Variants in GK5 observed in about 807,000 individuals in gnomAD.
GK5 encodes glycerol kinase 5.
GK5 carries 39 observed loss-of-function variants against 77.3 expected under a neutral mutation model. That is an observed-to-expected ratio of 0.50 (90% CI 0.39 to 0.66). GK5 has a LOEUF of 0.66. GK5 is among the 30% of genes least tolerant of loss of function. The pLI is 0.00. For missense variants in GK5, 487 were observed against 633.8 expected, an observed-to-expected ratio of 0.77 and a Z score of 2.49; for synonymous variants, 211 against 208.0, an observed-to-expected ratio of 1.01 and a Z score of -0.13.
chr3:142,187,086 C>T (rs1211601435), intron 6 of GK5, among the ~76,000 whole-genome samples: 1 of 152,056 alleles, frequency 6.6e-6, no homozygotes, highest in African/African-American at 2.4e-5. Flanking sequence ...TTAATGTCAC[C>T]CATAGTTATA....
chr3:142,209,163 G>T (rs973043280), intron 3 of GK5, among the ~76,000 whole-genome samples: 1 of 151,186 alleles, frequency 6.6e-6, no homozygotes, highest in Non-Finnish European at 1.5e-5. Flanking sequence ...AAAAAAAAAT[G>T]GATAAATAGA....
rs970001052 is a variant in GK5 at position 142,163,550 on chromosome 3, A to T, written c.*2072T>A. On this transcript the variant is annotated 3_prime_UTR_variant, in exon 16 of 16. Transcript: ENST00000392993. ...CTGCCAAAGTGCTGGGATTACAGGC[A>T]TGAGCCACTGCACACAGCCCAAAGT... 1.3e-5 allele frequency: 2 copies of T among 152,170 alleles called. No individual in the cohort carries two copies. The highest frequency in any genetic ancestry group is 2.9e-5 in the Non-Finnish European group (2 of 68,072). 9.4% of individuals were successfully genotyped at this position (152,170 alleles called of 1,614,324 possible).
At chr3:142,199,633 T>C (rs1048833336) in intron 4 of GK5, among the ~76,000 whole-genome samples, 1 of 152,086 alleles carries the variant, frequency 6.6e-6, no homozygotes, top group Non-Finnish European at 1.5e-5. Context: ...AAAATCTGGT[T>C]GTATGATTTT....
At chr3:142,213,197 T>G (rs548133535) in intron 3 of GK5, among the ~76,000 whole-genome samples, 1 of 152,342 alleles carries the variant, frequency 6.6e-6, no homozygotes, top group Admixed American at 6.5e-5. Context: ...GTACTGTGTT[T>G]CTGAAATTTG....
chr3:142,193,491 A>AC (rs904064470), intron 5 of GK5, among the ~76,000 whole-genome samples: 5 of 151,718 alleles, frequency 3.3e-5, no homozygotes, highest in African/African-American at 1.2e-4. Context: ...TACAAAAAAA[A>AC]AAAAACAAAA....
intron 9 of GK5, among the ~76,000 whole-genome samples, chr3:142,184,260 C>CAAAAAAAAAAAAAAAAAAA (rs1161704184): frequency 4.7e-4 from 5 of 10,672 alleles, no homozygotes; most frequent in African/African-American, 7.8e-4. Context: ...GACTCTGTCT[C>CAAAAAAAAAAAAAAAAAAA]AAAAAAAAAA....
At chr3:142,192,763 CAA>C (rs201417747) in intron 5 of GK5, among the ~76,000 whole-genome samples, 923 of 82,848 alleles carry the variant, frequency 0.011, 10 homozygotes, top group African/African-American at 0.034. Context: ...GACTCTGTCT[CAA>C]AAAAAAAAAA....
intron 11 of GK5, among the ~76,000 whole-genome samples, chr3:142,179,892 G>A (rs981675020): frequency 1.3e-5 from 2 of 152,098 alleles, no homozygotes; most frequent in African/African-American, 4.8e-5. Flanking sequence ...TGATATTCCT[G>A]GCCTAGACTC....
At position 142,172,439 on chromosome 3, in the gene GK5, G is replaced by A. The variant is rs1183177169; in HGVS notation, c.1161C>T (p.Pro387=). The A allele has an allele frequency of 2.4e-5, 38 of 1,594,548 alleles. No homozygotes were observed. The highest frequency in any genetic ancestry group is 3.1e-5 in the Non-Finnish European group (36 of 1,165,678). Residue 387 remains proline (P), a synonymous_variant, in exon 13 of 16, where the codon CCC becomes CCT. Transcript: ENST00000392993. ...FSGLQAPLND[P]WACASFMGLK... ...AACCCATAAAAGAGGCACATGCCCA[G>A]GGGTCATTTAATGGAGCCTACAGTA...
At chr3:142,223,936 T>C (rs2107802716) in intron 1 of GK5, among the ~76,000 whole-genome samples, 1 of 152,352 alleles carries the variant, frequency 6.6e-6, no homozygotes, top group Non-Finnish European at 1.5e-5. Flanking sequence ...AGCTGGACCT[T>C]GCTCCTGGGC....
chr3:142,183,258 G>A (rs1290023585), intron 9 of GK5: 2 of 383,998 alleles, frequency 5.2e-6, no homozygotes, highest in Non-Finnish European at 4.6e-6. Context: ...GCAGATAACT[G>A]ACATGCCTCA....
At chr3:142,202,905 G>A (rs191434308) in intron 4 of GK5, among the ~76,000 whole-genome samples, 1 of 152,060 alleles carries the variant, frequency 6.6e-6, no homozygotes, top group Admixed American at 6.6e-5. Flanking sequence ...TGTGACAAAG[G>A]GAGACTCCAT....
In GK5 at chr3:142,194,641, C is replaced by T. The variant is rs35190757; in HGVS notation, c.543+4161G>A. On this transcript the variant is annotated intron_variant, in intron 5 of 15. Transcript: ENST00000392993. Reference sequence around the variant, plus strand: ...TGGAGGTTGAGACTACAGTGAGCTGCGATCATGCCACTGTACTCAAGCCTG... The same window carrying T: ...TGGAGGTTGAGACTACAGTGAGCTGTGATCATGCCACTGTACTCAAGCCTG... Among the ~76,000 whole-genome samples, 1,226 of 151,628 alleles carry T rather than the reference C, an allele frequency of 8.1e-3. 12 individuals carry two copies. The highest frequency in any genetic ancestry group is 0.031 in the Middle Eastern group (9 of 294).
chr3:142,187,627 T>C lies in GK5; in HGVS notation c.619+77A>G. On this transcript the variant is annotated intron_variant, in intron 6 of 15. Transcript: ENST00000392993. ...CTCAAAAAAAAAAAAAAAAAGTAAC[T>C]TCTACTTTTTTTAGGCAAATCATTT... The C allele has an allele frequency of 2.8e-6, 3 of 1,064,090 alleles. No individual in the cohort carries two copies. The South Asian group carries it at 4.2e-5, about 15-fold the overall frequency. 65.9% of individuals were successfully genotyped at this position (1,064,090 alleles called of 1,614,324 possible).
At chr3:142,189,721 A>C (rs1014262955) in intron 5 of GK5, among the ~76,000 whole-genome samples, 1 of 152,224 alleles carries the variant, frequency 6.6e-6, no homozygotes, top group African/African-American at 2.4e-5. Flanking sequence ...AAATGGCTCT[A>C]CCCTAAGAGT....
intron 12 of GK5, chr3:142,173,257 C>A: frequency 2.5e-6 from 1 of 405,454 alleles, no homozygotes; most frequent in South Asian, 1.8e-5. Context: ...GCCTTACTGC[C>A]TAATATCAGA....
intron 15 of GK5, among the ~76,000 whole-genome samples, chr3:142,169,201 C>T (rs2108779740): frequency 6.6e-6 from 1 of 152,334 alleles, no homozygotes; most frequent in South Asian, 2.1e-4. Context: ...TTTCTAATGC[C>T]ATAGGCAAAC....
chr3:142,188,868 G>A (rs2063810775), intron 5 of GK5, among the ~76,000 whole-genome samples: 1 of 152,214 alleles, frequency 6.6e-6, no homozygotes, highest in African/African-American at 2.4e-5. Context: ...AAGAGAAACA[G>A]AAGTTGTCAA....
In GK5 at chr3:142,160,673, T is replaced by C. The variant is rs910102394; in HGVS notation, c.*4949A>G. The C allele has an allele frequency of 2.6e-5, 4 of 152,250 alleles. No homozygotes were observed. The highest frequency in any genetic ancestry group is 9.6e-5 in the African/African-American group (4 of 41,468). 9.4% of individuals were successfully genotyped at this position (152,250 alleles called of 1,614,324 possible). On this transcript the variant is annotated 3_prime_UTR_variant, in exon 16 of 16. Transcript: ENST00000392993. ...ATATATCTATGTGTATTTACAGACA[T>C]GTGTCTCTACACAAATAGTTTTTCA...
Sources: allele counts gnomAD v4.1 joint callset (sites outside exome capture counted in the v4.1 genomes callset), GRCh38; gene constraint gnomAD v4.1.1; transcripts MANE v1.5; gene names NCBI Gene and HGNC (gene_info 2026-07-23, HGNC 2026-07-21).